Variants in FGF12 observed in about 807,000 individuals in gnomAD.
FGF12 encodes fibroblast growth factor 12.
In FGF12, 14 loss-of-function variants were observed where a neutral mutation model predicts 23.6. The observed-to-expected ratio is 0.59, with a 90% CI of 0.39 to 0.93. The LOEUF is 0.93. FGF12 is among the 40% of genes least tolerant of loss of function. The pLI is 0.00. For missense variants in FGF12, 175 were observed against 217.8 expected, an observed-to-expected ratio of 0.80 and a Z score of 1.24; for synonymous variants, 62 against 77.3, an observed-to-expected ratio of 0.80 and a Z score of 1.04.
At chr3:192,607,612 T>C (rs1349362298) in intron 2 of FGF12, among the ~76,000 whole-genome samples, 1 of 151,870 alleles carries the variant, frequency 6.6e-6, no homozygotes, top group Non-Finnish European at 1.5e-5. Context: ...TTTGTTGGAG[T>C]AAAAGGTTTT....
At chr3:192,539,152 C>G (rs2108575254) in intron 2 of FGF12, among the ~76,000 whole-genome samples, 1 of 152,242 alleles carries the variant, frequency 6.6e-6, no homozygotes, top group East Asian at 1.9e-4. Flanking sequence ...TCTGATTGCC[C>G]TAGCTAGGAC....
Position 192,409,873 on chromosome 3 carries a change from C to A in FGF12, c.14-49335G>T, listed in dbSNP as rs968364562. On this transcript the variant is annotated intron_variant, in intron 2 of 5. Coordinates refer to ENST00000445105, the MANE Select transcript of FGF12 (RefSeq NM_004113.6). The surrounding 1 kb of genome is among the most constrained non-coding windows in gnomAD (Gnocchi z 4.8). ...TCGCCCAACTTGCTGCGCGGGTGGC[C>A]GCTCAGAGCCGCGGGCTTGCGGGGC... Among the ~76,000 whole-genome samples, 1 of 151,768 alleles carries A rather than the reference C, an allele frequency of 6.6e-6. No homozygotes were observed. Among genetic ancestry groups the A allele is most frequent in the Non-Finnish European group, 1.5e-5 (1 of 67,892 alleles).
At chr3:192,351,285 T>G (rs1258630239) in intron 3 of FGF12, among the ~76,000 whole-genome samples, 1 of 151,866 alleles carries the variant, frequency 6.6e-6, no homozygotes, top group Non-Finnish European at 1.5e-5. Context: ...AGAGGAGAAA[T>G]GAGGGGTGGG....
chr3:192,203,142 T>C (rs1348163604), intron 4 of FGF12, among the ~76,000 whole-genome samples: 3 of 149,848 alleles, frequency 2.0e-5, no homozygotes, highest in Non-Finnish European at 4.4e-5. Flanking sequence ...TTTGTGTGTG[T>C]GTGTGTGTGT....
At chr3:192,692,566 G>A (rs1717976358) in intron 2 of FGF12, among the ~76,000 whole-genome samples, 1 of 151,908 alleles carries the variant, frequency 6.6e-6, no homozygotes, top group African/African-American at 2.4e-5. Flanking sequence ...TTAGCCAGGT[G>A]TGGTGGTGTG....
At chr3:192,565,376 T>C (rs1387841414) in intron 2 of FGF12, among the ~76,000 whole-genome samples, 1 of 152,234 alleles carries the variant, frequency 6.6e-6, no homozygotes, top group Non-Finnish European at 1.5e-5. Context: ...TAGGCACTGA[T>C]GTGAATTCGC....
At chr3:192,682,094 T>G (rs1239674970) in intron 2 of FGF12, among the ~76,000 whole-genome samples, 2 of 152,322 alleles carry the variant, frequency 1.3e-5, no homozygotes, top group East Asian at 3.9e-4. Context: ...TTGATTTCTC[T>G]TTTATAATAA....
At chr3:192,251,467 T>C (rs2108606987) in intron 4 of FGF12, among the ~76,000 whole-genome samples, 1 of 152,322 alleles carries the variant, frequency 6.6e-6, no homozygotes, top group Non-Finnish European at 1.5e-5. Flanking sequence ...AGCCTATGAC[T>C]GTGCAATTCT....
chr3:192,193,743 T>C (rs1716920915), intron 4 of FGF12, among the ~76,000 whole-genome samples: 1 of 152,120 alleles, frequency 6.6e-6, no homozygotes, highest in Non-Finnish European at 1.5e-5. Context: ...CACTTTTAAA[T>C]ACTAGAAAGC....
chr3:192,448,955 G>T (rs1342325692), intron 2 of FGF12, among the ~76,000 whole-genome samples: 2 of 152,142 alleles, frequency 1.3e-5, no homozygotes, highest in Admixed American at 1.3e-4. Context: ...CTCTGGCACT[G>T]TACATTTATG....
intron 4 of FGF12, among the ~76,000 whole-genome samples, chr3:192,314,654 T>A (rs1269988154): frequency 6.6e-6 from 1 of 152,232 alleles, no homozygotes; most frequent in Non-Finnish European, 1.5e-5. Context: ...TCTGATCCCT[T>A]TAAACCATTG....
intron 2 of FGF12, among the ~76,000 whole-genome samples, chr3:192,671,343 G>C (rs557930202): frequency 6.6e-6 from 1 of 152,258 alleles, no homozygotes; most frequent in African/African-American, 2.4e-5. Flanking sequence ...TGGGAAACTA[G>C]AGATTATATC....
intron 4 of FGF12, among the ~76,000 whole-genome samples, chr3:192,276,887 C>T (rs1252582878): frequency 6.6e-6 from 1 of 152,204 alleles, no homozygotes; most frequent in Non-Finnish European, 1.5e-5. Flanking sequence ...CAAGAAAAAT[C>T]TAGACAGACA....
intron 4 of FGF12, among the ~76,000 whole-genome samples, chr3:192,276,818 C>A (rs1713818982): frequency 1.3e-5 from 2 of 152,146 alleles, no homozygotes; most frequent in South Asian, 4.1e-4. Flanking sequence ...TAATAAGATT[C>A]CCTTTCCAGA....
intron 4 of FGF12, among the ~76,000 whole-genome samples, chr3:192,255,637 G>A (rs1330316825): frequency 2.0e-5 from 3 of 151,864 alleles, no homozygotes; most frequent in Non-Finnish European, 4.4e-5. Context: ...TTTATTATTT[G>A]CAATCTCTGA....
intron 4 of FGF12, among the ~76,000 whole-genome samples, chr3:192,208,688 A>G (rs1389750554): frequency 6.6e-6 from 1 of 151,954 alleles, no homozygotes; most frequent in Non-Finnish European, 1.5e-5. Flanking sequence ...TTTTAAAACA[A>G]AAAACACTGT....
rs181972112 is a variant in FGF12, at chr3:192,140,508, A to G, written c.*3501T>C. On this transcript the variant is annotated 3_prime_UTR_variant, in exon 6 of 6. Coordinates refer to ENST00000445105, the MANE Select transcript of FGF12 (RefSeq NM_004113.6). ...GTCATACTTACTTCTTCACCAAGAA[A>G]TCAGTGCTCCCAAATTAGGAATTCC... 261 of 152,190 alleles carry G rather than the reference A, an allele frequency of 1.7e-3. No individual in the cohort carries two copies. The highest frequency in any genetic ancestry group is 5.9e-3 in the African/African-American group (245 of 41,576). 9.4% of individuals were successfully genotyped at this position (152,190 alleles called of 1,614,324 possible).
chr3:192,282,651 T>A (rs1714213581), intron 4 of FGF12: 2 of 152,036 alleles, frequency 1.3e-5, no homozygotes, highest in Admixed American at 1.3e-4. Context: ...ATTCTGTATA[T>A]CTAATATTTA....
chr3:192,513,126 A>G (rs1724543444), intron 2 of FGF12, among the ~76,000 whole-genome samples: 1 of 151,768 alleles, frequency 6.6e-6, no homozygotes. Flanking sequence ...TAAAATTTTC[A>G]CCTCTAAGAG....
Sources: gnomAD v4.1 joint callset for allele counts (sites outside exome capture counted in the v4.1 genomes callset) on GRCh38, gnomAD v4.1.1 for gene constraint, Gnocchi (gnomAD v3.1) non-coding constraint, MANE v1.5 for transcripts, NCBI Gene and HGNC (gene_info 2026-07-23, HGNC 2026-07-21) for gene names.